Variants in FBXL2 observed in about 807,000 individuals in gnomAD.
FBXL2 encodes F-box and leucine rich repeat protein 2, also known as F-box/LRR-repeat protein 2.
A neutral mutation model predicts 69.2 loss-of-function variants in FBXL2; 38 were observed. The ratio of observed to expected loss-of-function variants is 0.55; its 90% CI spans 0.42 to 0.72. The LOEUF is 0.72. Among genes scored for constraint, FBXL2 ranks in the 30% least tolerant of loss-of-function variants. The probability of loss-of-function intolerance (pLI) is 0.00; values close to 1 mark genes in which losing one functional copy is unlikely to be tolerated. For synonymous variants in FBXL2, 192 were observed against 201.3 expected (o/e 0.95, Z 0.39); for missense variants, 354 against 520.3 (o/e 0.68, Z 3.11).
Position 33,373,866 on chromosome 3 carries a change from A to T in FBXL2, c.602A>T (p.Lys201Ile). The change falls in exon 9 of 15, where the codon AAA (lysine) becomes ATA (isoleucine). Residue 201 changes from lysine to isoleucine, a missense_variant. Physicochemically the swap from Lys to Ile is moderately radical, Grantham distance 102 (BLOSUM62 -3). Transcript: ENST00000484457. ...ACTCAGTTAGAAGATGAAGCTCTGAAACACATTCAGAATTACTGCCATGAG... is the reference window on the plus strand; with the variant it reads ...ACTCAGTTAGAAGATGAAGCTCTGATACACATTCAGAATTACTGCCATGAG... Reference protein sequence around the residue: ...GCTQLEDEALKHIQNYCHELV... With the variant: ...GCTQLEDEALIHIQNYCHELV... 6.2e-7 allele frequency: 1 copy of T among 1,614,194 alleles called. No individual in the cohort carries two copies. Among genetic ancestry groups the T allele is most frequent in the Non-Finnish European group, 8.5e-7 (1 of 1,180,040 alleles).
At chr3:33,394,992 T>C (rs1252498300) in intron 12 of FBXL2, among the ~76,000 whole-genome samples, 1 of 152,162 alleles carries the variant, frequency 6.6e-6, no homozygotes, top group African/African-American at 2.4e-5. Context: ...AAAAGTTTGC[T>C]GATTATGGGA....
chr3:33,357,743 A>G (rs2154040584), intron 2 of FBXL2, among the ~76,000 whole-genome samples: 1 of 152,066 alleles, frequency 6.6e-6, no homozygotes, highest in South Asian at 2.1e-4. Context: ...GTTAGCCAGG[A>G]TGGTCTCGAT....
chr3:33,377,016 AAAAAC>A (rs1444287598), intron 10 of FBXL2, among the ~76,000 whole-genome samples: 2 of 148,406 alleles, frequency 1.3e-5, no homozygotes, highest in Non-Finnish European at 3.0e-5. Flanking sequence ...AAAACAAAAC[AAAAAC>A]AAAACCAAAA....
intron 1 of FBXL2, among the ~76,000 whole-genome samples, chr3:33,279,309 C>T (rs985884995): frequency 2.6e-5 from 4 of 151,038 alleles, no homozygotes; most frequent in Non-Finnish European, 5.9e-5. Context: ...CTCGCTCTGT[C>T]GCCCAGGCTG....
chr3:33,284,191 C>G (rs1259026624), intron 1 of FBXL2, among the ~76,000 whole-genome samples: 1 of 152,216 alleles, frequency 6.6e-6, no homozygotes, highest in Non-Finnish European at 1.5e-5. Context: ...GCATTTAGTG[C>G]TATAAATTTC....
At position 33,328,373 on chromosome 3, in the gene FBXL2, A is replaced by G. The variant is rs145362440; in HGVS notation, c.66-30594A>G. 4.0e-3 allele frequency among the ~76,000 whole-genome samples: 609 copies of G among 152,302 alleles called. 7 individuals are homozygous for G. Among genetic ancestry groups the G allele is most frequent in the African/African-American group, 0.013 (551 of 41,566 alleles). On this transcript the variant is annotated intron_variant, in intron 2 of 14. Coordinates refer to ENST00000484457, the MANE Select transcript of FBXL2 (RefSeq NM_012157.5). ...ATCCTAACATTTATATGGACCCACA[A>G]AAGACTCCAAATAGGCAAAACAATC...
At chr3:33,390,357 C>T, downstream of FBXL2, 8 of 1,614,134 alleles carry the variant, frequency 5.0e-6, no homozygotes, top group Non-Finnish European at 6.8e-6. Context: ...TGGATGCCAT[C>T]ACTACTTTCA....
At position 33,339,057 on chromosome 3, in the gene FBXL2, A is replaced by G. The variant is rs550461452; in HGVS notation, c.66-19910A>G. ...CAAAGGCCTAATATCCAGAACCTAT[A>G]AGGAATTTAAATAAATTCACAAACA... On this transcript the variant is annotated intron_variant, in intron 2 of 14. Transcript: ENST00000484457. Among the ~76,000 whole-genome samples, 4 of 152,326 alleles carry G rather than the reference A, an allele frequency of 2.6e-5. No individual in the cohort carries two copies. In the East Asian group the frequency reaches 7.7e-4, roughly 29 times the overall value.
intron 1 of FBXL2, among the ~76,000 whole-genome samples, chr3:33,295,968 C>T (rs914971601): frequency 6.6e-6 from 1 of 152,098 alleles, no homozygotes; most frequent in Non-Finnish European, 1.5e-5. Context: ...ATACAAGTGC[C>T]TGCTCAGATC....
rs756280433 is a variant in FBXL2 at position 33,384,105 on chromosome 3, T to C, written c.1068T>C (p.Asp356=). ...TGGACAACTGCCTCCTCATCACTGA[T>C]GTGGCCCTGGAACACCTAGAGAACT... ...LELDNCLLIT[D]VALEHLENCR... is the part of the protein sequence containing the mutation. Residue 356 remains aspartate (D), a synonymous_variant, in exon 14 of 15, where the codon GAT becomes GAC. Transcript: ENST00000484457. The C allele has an allele frequency of 6.2e-7, 1 of 1,614,110 alleles. No individual in the cohort carries two copies. Among genetic ancestry groups the C allele is most frequent in the Non-Finnish European group, 8.5e-7 (1 of 1,180,012 alleles).
At chr3:33,375,482 C>A in intron 10 of FBXL2, 64 bp downstream of exon 10, 1 of 1,580,616 alleles carries the variant, frequency 6.3e-7, no homozygotes, top group South Asian at 1.1e-5. Flanking sequence ...AGAGGGCTTC[C>A]TTCAGGAGAG....
chr3:33,352,932 C>A (rs1197097630), intron 2 of FBXL2, among the ~76,000 whole-genome samples: 1 of 126,000 alleles, frequency 7.9e-6, no homozygotes, highest in African/African-American at 3.1e-5. Context: ...AACAAAAAAA[C>A]CCATCTCAAT....
chr3:33,394,307 A>G (rs2043882750), intron 12 of FBXL2, among the ~76,000 whole-genome samples: 1 of 151,862 alleles, frequency 6.6e-6, no homozygotes, highest in Non-Finnish European at 1.5e-5. Context: ...AGGCCTCCCA[A>G]AGTGCTGGGA....
intron 5 of FBXL2, 85 bp downstream of exon 5, chr3:33,364,804 C>A: frequency 1.8e-6 from 2 of 1,141,916 alleles, no homozygotes; most frequent in South Asian, 1.3e-5. Context: ...ACATGCTCTT[C>A]TTCTGTTAAA....
intron 1 of FBXL2, among the ~76,000 whole-genome samples, chr3:33,281,731 GC>G (rs2034033501): frequency 6.6e-6 from 1 of 151,772 alleles, no homozygotes. Flanking sequence ...TTTAATGATC[GC>G]CATTCTAACT....
At chr3:33,364,554 A>G (rs1056190059) in intron 4 of FBXL2, 71 bp from the exon 5 acceptor site, 17 of 1,287,918 alleles carry the variant, frequency 1.3e-5, no homozygotes, top group Non-Finnish European at 1.7e-5. Context: ...CCTAGATTTC[A>G]GGTTATTTTG....
At chr3:33,378,024 CT>C in intron 11 of FBXL2, 78 bp from the exon 12 acceptor site, 1 of 1,374,664 alleles carries the variant, frequency 7.3e-7, no homozygotes, top group Non-Finnish European at 1.0e-6. Context: ...TGGGCCAATA[CT>C]CAGAGGGATA....
Position 33,344,110 on chromosome 3 carries a change from C to CA in FBXL2, c.66-14848dup, listed in dbSNP as rs1357244272. The stretch of plus-strand genomic sequence containing the variant: ...ACAAAAAAAGATAACACTCATAATA[C>CA]AAAAAAAAAGAAAAAAAGCTATAAA... On this transcript the variant is annotated intron_variant, in intron 2 of 14. Transcript: ENST00000484457. Among the ~76,000 whole-genome samples the CA allele has an allele frequency of 5.0e-3, 720 of 144,016 alleles. 5 individuals are homozygous for CA. Among genetic ancestry groups the CA allele is most frequent in the African/African-American group, 0.016 (619 of 39,096 alleles). The allele number at this position is 144,016 out of a possible 152,430, so 94.5% of individuals were successfully genotyped here.
rs1189228397 is a variant in FBXL2 at position 33,385,777 on chromosome 3, C to A, written c.*169C>A. The A allele has an allele frequency of 1.6e-6, 1 of 612,252 alleles. No individual in the cohort carries two copies. The allele number at this position is 612,252 out of a possible 1,614,324, so 37.9% of individuals were successfully genotyped here. A position where few individuals can be genotyped will look rare whatever the true frequency, so the allele number is the denominator to read the frequency against. ...CAGTTACTCTGGTGATAGTTTTCAC[C>A]TTTATTCTGCTGTGAAACAATCAAA... On this transcript the variant is annotated 3_prime_UTR_variant, in exon 15 of 15. Transcript: ENST00000484457.
Sources: gnomAD v4.1 joint callset for allele counts (sites outside exome capture counted in the v4.1 genomes callset) on GRCh38, gnomAD v4.1.1 for gene constraint, MANE v1.5 for transcripts, NCBI Gene and HGNC (gene_info 2026-07-23, HGNC 2026-07-21) for gene names.